PPFIA2: variants seen among roughly 807,000 people sequenced by gnomAD.
PPFIA2 encodes liprin-alpha-2.
Under a neutral mutation model 175.5 loss-of-function variants are expected in PPFIA2, and 46 were observed. The ratio of observed to expected loss-of-function variants is 0.26; its 90% CI spans 0.21 to 0.34. The LOEUF is 0.34. Ranked by LOEUF, PPFIA2 falls within the 10% of genes least tolerant of loss-of-function variation. The probability of loss-of-function intolerance (pLI) is 1.00; values close to 1 mark genes in which losing one functional copy is unlikely to be tolerated. For synonymous variants in PPFIA2, 568 were observed against 511.4 expected, an observed-to-expected ratio of 1.11 and a Z score of -1.49; for missense variants, 1,179 against 1,506.1, an observed-to-expected ratio of 0.78 and a Z score of 3.60.
chr12:81,682,432 C>T (rs927206608), intron 3 of PPFIA2, among the ~76,000 whole-genome samples: 1 of 151,990 alleles, frequency 6.6e-6, no homozygotes, highest in African/African-American at 2.4e-5. Context: ...CCCTAGAAAA[C>T]TAATGCATGC....
intron 6 of PPFIA2, among the ~76,000 whole-genome samples, chr12:81,441,941 A>AT (rs1163416145): frequency 1.3e-5 from 2 of 152,142 alleles, no homozygotes; most frequent in Non-Finnish European, 2.9e-5. Flanking sequence ...ATATCAACAC[A>AT]TTAAAATCTT....
chr12:81,390,719 C>G (rs568396992), intron 8 of PPFIA2, among the ~76,000 whole-genome samples: 1 of 151,750 alleles, frequency 6.6e-6, no homozygotes, highest in South Asian at 2.1e-4. Flanking sequence ...TTTCTCTATT[C>G]TGTAGACCAT....
At chr12:81,600,670 G>A (rs1227572569) in intron 4 of PPFIA2, among the ~76,000 whole-genome samples, 1 of 151,766 alleles carries the variant, frequency 6.6e-6, no homozygotes, top group Non-Finnish European at 1.5e-5. Flanking sequence ...ACTAGCTGTG[G>A]AAATAAGTTA....
At chr12:81,331,243 G>A (rs1368604202) in intron 21 of PPFIA2, among the ~76,000 whole-genome samples, 2 of 152,224 alleles carry the variant, frequency 1.3e-5, no homozygotes, top group East Asian at 1.9e-4. Flanking sequence ...ATTGTGTTAC[G>A]ATTGCCTACA....
Position 81,707,044 on chromosome 12 carries a change from G to A in PPFIA2, c.250-30200C>T, listed in dbSNP as rs200929426. On this transcript the variant is annotated intron_variant, in intron 3 of 32. Transcript: ENST00000549396. ...TTCAAGATGGATTAAAGACTTAAAC[G>A]TTAGACCTAAAATCATAAAAACCCT... 5.3e-5 allele frequency among the ~76,000 whole-genome samples: 8 copies of A among 152,100 alleles called. No individual in the cohort carries two copies. The South Asian group carries it at 1.2e-3, about 24-fold the overall frequency.
At chr12:81,702,135 C>T (rs1001902143) in intron 3 of PPFIA2, among the ~76,000 whole-genome samples, 1 of 151,260 alleles carries the variant, frequency 6.6e-6, no homozygotes, top group Non-Finnish European at 1.5e-5. Context: ...ACACCCAGGG[C>T]ATAAGTTCTC....
At chr12:81,640,340 T>C (rs1270652506) in intron 4 of PPFIA2, among the ~76,000 whole-genome samples, 1 of 152,100 alleles carries the variant, frequency 6.6e-6, no homozygotes, top group Non-Finnish European at 1.5e-5. Flanking sequence ...TTGGTGATGA[T>C]AGGAGTGACT....
intron 4 of PPFIA2, among the ~76,000 whole-genome samples, chr12:81,609,741 T>C (rs994145028): frequency 1.3e-5 from 2 of 152,176 alleles, no homozygotes; most frequent in African/African-American, 4.8e-5. Context: ...CCACTCTGTG[T>C]CCTTTCAGTG....
At chr12:81,422,389 GT>G (rs1028704591) in intron 7 of PPFIA2, among the ~76,000 whole-genome samples, 1 of 151,958 alleles carries the variant, frequency 6.6e-6, no homozygotes, top group African/African-American at 2.4e-5. Flanking sequence ...ACTTTTAACT[GT>G]TTACAGTGAA....
At chr12:81,467,308 T>C (rs1179511800) in intron 4 of PPFIA2, among the ~76,000 whole-genome samples, 1 of 152,170 alleles carries the variant, frequency 6.6e-6, no homozygotes. Flanking sequence ...ACACATCAAG[T>C]GACATTCTAT....
intron 4 of PPFIA2, among the ~76,000 whole-genome samples, chr12:81,635,913 C>CTT (rs1406173036): frequency 1.3e-5 from 2 of 149,788 alleles, no homozygotes; most frequent in African/African-American, 4.9e-5. Context: ...AATGCAATCT[C>CTT]TCTCTCTCAC....
chr12:81,525,067 T>A (rs114263721), intron 4 of PPFIA2, among the ~76,000 whole-genome samples: 2,098 of 152,272 alleles, frequency 0.014, 53 homozygotes, highest in African/African-American at 0.048. Context: ...AGAAATAAAT[T>A]TCTGCTGTCT....
At chr12:81,636,097 T>G (rs983229340) in intron 4 of PPFIA2, among the ~76,000 whole-genome samples, 17 of 152,308 alleles carry the variant, frequency 1.1e-4, no homozygotes, top group African/African-American at 4.1e-4. Flanking sequence ...CTGTTAAATG[T>G]GAAAGAATAT....
At chr12:81,585,088 T>C (rs895627573) in intron 4 of PPFIA2, among the ~76,000 whole-genome samples, 9 of 127,222 alleles carry the variant, frequency 7.1e-5, no homozygotes, top group South Asian at 2.2e-4. Context: ...ATATATATAA[T>C]ATATAAAAGA....
chr12:81,674,900 G>A (rs184274609), intron 4 of PPFIA2, among the ~76,000 whole-genome samples: 2 of 151,780 alleles, frequency 1.3e-5, no homozygotes, highest in East Asian at 2.0e-4. Context: ...CATAGCTCCC[G>A]GCAGTATGTT....
intron 22 of PPFIA2, among the ~76,000 whole-genome samples, chr12:81,319,764 T>C (rs1032612494): frequency 6.6e-6 from 1 of 151,942 alleles, no homozygotes; most frequent in Non-Finnish European, 1.5e-5. Context: ...CATGATCTCT[T>C]ATTGTCAAAG....
intron 3 of PPFIA2, among the ~76,000 whole-genome samples, chr12:81,750,868 C>T (rs979785995): frequency 1.3e-5 from 2 of 152,034 alleles, no homozygotes; most frequent in African/African-American, 4.8e-5. Flanking sequence ...CAATTCTACC[C>T]TGTGTTTGCT....
intron 3 of PPFIA2, among the ~76,000 whole-genome samples, chr12:81,748,354 A>G (rs957623313): frequency 6.9e-6 from 1 of 144,634 alleles, no homozygotes; most frequent in African/African-American, 2.4e-5. Context: ...TCCTGTAGCC[A>G]TACCCTTTGC....
intron 21 of PPFIA2, among the ~76,000 whole-genome samples, chr12:81,336,726 A>G (rs1483894990): frequency 1.3e-5 from 2 of 152,144 alleles, no homozygotes; most frequent in Non-Finnish European, 2.9e-5. Flanking sequence ...ATCTTAGCAC[A>G]TGGTTCAGAA....
Sources: gnomAD v4.1 joint callset for allele counts (sites outside exome capture counted in the v4.1 genomes callset) on GRCh38, gnomAD v4.1.1 for gene constraint, MANE v1.5 for transcripts, NCBI Gene and HGNC (gene_info 2026-07-23, HGNC 2026-07-21) for gene names.